ABCB5: variants seen among roughly 807,000 people sequenced by gnomAD.
The protein encoded by ABCB5 is ATP binding cassette subfamily B member 5.
In ABCB5, 155 loss-of-function variants were observed where a neutral mutation model predicts 144.2. The observed-to-expected ratio is 1.08, with a 90% CI of 0.94 to 1.23. The LOEUF (loss-of-function observed/expected upper bound fraction) is 1.23, where lower values mean the gene tolerates loss of function less well. ABCB5 is among the 50% of genes most tolerant of loss of function. ABCB5 has a pLI of 0.00. For missense variants in ABCB5, 1,830 were observed against 1,520.8 expected, an observed-to-expected ratio of 1.20 and a Z score of -3.38; for synonymous variants, 610 against 528.6, an observed-to-expected ratio of 1.15 and a Z score of -2.11.
chr7:20,643,730 A>G (rs1265541655), intron 7 of ABCB5, 98 bp downstream of exon 7: 4 of 1,342,664 alleles, frequency 3.0e-6, no homozygotes, highest in Non-Finnish European at 4.1e-6. Context: ...TTCACTTGCC[A>G]TGTCCCAAAC....
At chr7:20,717,957 A>G (rs1360917291) in intron 20 of ABCB5, among the ~76,000 whole-genome samples, 1 of 113,412 alleles carries the variant, frequency 8.8e-6, no homozygotes, top group Non-Finnish European at 1.6e-5. Flanking sequence ...GCTGGAGTGC[A>G]GTGGCGCAAT....
intron 24 of ABCB5, 21 bp from the exon 25 acceptor site, chr7:20,742,856 T>C (rs1239736078): frequency 3.7e-6 from 6 of 1,612,648 alleles, no homozygotes; most frequent in Non-Finnish European, 4.2e-6. Flanking sequence ...TCTTCTCAAC[T>C]CTGTCAACTT....
intron 20 of ABCB5, among the ~76,000 whole-genome samples, chr7:20,721,391 G>C (rs1348601070): frequency 6.6e-6 from 1 of 152,074 alleles, no homozygotes; most frequent in Non-Finnish European, 1.5e-5. Context: ...TAAATAAGTT[G>C]GTAAAGGTAA....
At chr7:20,701,720 A>T (rs10488579) in intron 19 of ABCB5, among the ~76,000 whole-genome samples, 31,812 of 152,180 alleles carry the variant, frequency 0.21, 3,709 homozygotes, top group Non-Finnish European at 0.26. Flanking sequence ...TTAAAATATC[A>T]TGTACATACT....
At position 20,660,342 on chromosome 7, in the gene ABCB5, T is replaced by C. The variant is rs964002998; in HGVS notation, c.1707+1666T>C. 10 of 985,400 alleles carry C rather than the reference T, an allele frequency of 1.0e-5. No individual in the cohort carries two copies. The South Asian group carries it at 4.7e-4, about 46-fold the overall frequency. 61.0% of individuals were successfully genotyped at this position (985,400 alleles called of 1,614,324 possible). On this transcript the variant is annotated intron_variant, in intron 14 of 27. Transcript: ENST00000404938. The stretch of plus-strand genomic sequence containing the variant: ...ACTTATTTCAAAAATTCATTTACTG[T>C]CCCTGTTTTTCAGTTGTTTAAAGGA...
At position 20,727,910 on chromosome 7, in the gene ABCB5, T is replaced by C. The variant is rs540546857; in HGVS notation, c.2727-405T>C. 2.6e-5 allele frequency among the ~76,000 whole-genome samples: 4 copies of C among 152,366 alleles called. No homozygotes were observed. In the East Asian group the frequency reaches 7.7e-4, roughly 29 times the overall value. ...ATAGCTTTTTACTCTTTTGGACTCA[T>C]ACTTGTAGTTGGCACCACCCTTTAA... On this transcript the variant is annotated intron_variant, in intron 22 of 27. Coordinates refer to ENST00000404938, the MANE Select transcript of ABCB5 (RefSeq NM_001163941.2).
chr7:20,754,492 T>C (rs1783023640), intron 27 of ABCB5, among the ~76,000 whole-genome samples: 1 of 152,238 alleles, frequency 6.6e-6, no homozygotes, highest in Non-Finnish European at 1.5e-5. Context: ...TGAAAGAATT[T>C]AAATGAGATA....
chr7:20,725,526 C>T (rs958013558), intron 21 of ABCB5, among the ~76,000 whole-genome samples: 1 of 152,184 alleles, frequency 6.6e-6, no homozygotes, highest in East Asian at 1.9e-4. Context: ...TTGCAGTGAG[C>T]CAAGATCGCA....
chr7:20,632,157 C>A, intron 5 of ABCB5, 44 bp downstream of exon 5: 1 of 1,323,040 alleles, frequency 7.6e-7, no homozygotes, highest in Non-Finnish European at 1.0e-6. Flanking sequence ...TTGAATGATG[C>A]TTTATTTAAA....
At position 20,711,776 on chromosome 7, in the gene ABCB5, T is replaced by C. The variant is rs200982921; in HGVS notation, c.2421+6969T>C. Among the ~76,000 whole-genome samples, 3 of 42,250 alleles carry C rather than the reference T, an allele frequency of 7.1e-5. 1 individual carries two copies. The highest frequency in any genetic ancestry group is 2.5e-4 in the Admixed American group (1 of 3,946). The allele number at this position is 42,250 out of a possible 152,430, so 27.7% of individuals were successfully genotyped here. ...GCCCAGCCTGCCTGCCTTTCCTTCT[T>C]TCTCTTTCTTTCTTTCTTTCTTTCT... On this transcript the variant is annotated intron_variant, in intron 20 of 27. Coordinates refer to ENST00000404938, the MANE Select transcript of ABCB5 (RefSeq NM_001163941.2).
chr7:20,716,796 A>AG (rs1279465216), intron 20 of ABCB5, among the ~76,000 whole-genome samples: 1 of 152,196 alleles, frequency 6.6e-6, no homozygotes, highest in African/African-American at 2.4e-5. Context: ...TGGACAATCT[A>AG]GGAGTTCATT....
Position 20,666,398 on chromosome 7 carries a change from T to C in ABCB5, c.1707+7722T>C, listed in dbSNP as rs118122084. On this transcript the variant is annotated intron_variant, in intron 14 of 27. Transcript: ENST00000404938. ...CTGGTAATGGACCCTCTCAAATGCT[T>C]GAGGCTTTGTATTATTTTCCTTTCT... is the stretch of plus-strand genomic sequence containing the variant. Among the ~76,000 whole-genome samples the C allele has an allele frequency of 2.5e-3, 374 of 152,274 alleles. 7 individuals carry two copies. In the South Asian group the frequency reaches 0.044, roughly 18 times the overall value.
At chr7:20,714,879 G>T (rs530154476) in intron 20 of ABCB5, among the ~76,000 whole-genome samples, 1 of 152,276 alleles carries the variant, frequency 6.6e-6, no homozygotes, top group South Asian at 2.1e-4. Context: ...TTAGGTTGGT[G>T]TGTATAGTCC....
Position 20,651,429 on chromosome 7 carries a change from G to T in ABCB5, c.1342G>T (p.Asp448Tyr), listed in dbSNP as rs747579982. 2 of 1,613,970 alleles carry T rather than the reference G, an allele frequency of 1.2e-6. No homozygotes were observed. Among genetic ancestry groups the T allele is most frequent in the Non-Finnish European group, 1.7e-6 (2 of 1,179,966 alleles). Residue 448 changes from aspartate to tyrosine, a missense_variant, in exon 13 of 28, where the codon GAT (aspartate) becomes TAT (tyrosine). Asp to Tyr is a radical substitution (Grantham distance 160). Transcript: ENST00000404938. Reference sequence around the variant, plus strand: ...TTCTTTGGATTGGCAGATCATGGTGGATGAGAATGACATCAGAGCTTTAAA... The same window carrying T: ...TTCTTTGGATTGGCAGATCATGGTGTATGAGAATGACATCAGAGCTTTAAA... Reference protein sequence around the residue: ...YDPDDGFIMVDENDIRALNVR... With the variant: ...YDPDDGFIMVYENDIRALNVR...
intron 14 of ABCB5, among the ~76,000 whole-genome samples, chr7:20,669,146 G>T (rs1190908908): frequency 6.6e-6 from 1 of 150,486 alleles, no homozygotes; most frequent in Non-Finnish European, 1.5e-5. Context: ...CATCCGGGAG[G>T]TGAGGGGCGC....
At chr7:20,704,075 C>CTGTTTTTTTTTTTTTTT (rs1786728623) in intron 19 of ABCB5, among the ~76,000 whole-genome samples, 1 of 80,772 alleles carries the variant, frequency 1.2e-5, no homozygotes, top group African/African-American at 5.0e-5. Flanking sequence ...TATTGCCTTC[C>CTGTTTTTTTTTTTTTTT]TTTTTTTTTT....
intron 2 of ABCB5, among the ~76,000 whole-genome samples, chr7:20,624,080 C>A (rs1301313423): frequency 6.6e-6 from 1 of 152,136 alleles, no homozygotes; most frequent in Non-Finnish European, 1.5e-5. Flanking sequence ...GTTATTTTCC[C>A]AAAGTAAATG....
intron 17 of ABCB5, 143 bp downstream of exon 17, chr7:20,698,693 G>A: frequency 3.0e-6 from 2 of 677,054 alleles, no homozygotes; most frequent in African/African-American, 1.9e-5. Context: ...TGATAGGAAG[G>A]TTAATTAATG....
rs1562549609 is a variant in ABCB5 at position 20,665,768 on chromosome 7, G to GATAGATAGATAGATAGAGATAC, written c.1707+7095_1707+7096insGATAGATAGATAGAGATACATA. The stretch of plus-strand genomic sequence containing the variant: ...ATAGATAGATAGATAGATAGATAGA[G>GATAGATAGATAGATAGAGATAC]ATACATACATACATACATACATACA... On this transcript the variant is annotated intron_variant, in intron 14 of 27. Coordinates refer to ENST00000404938, the MANE Select transcript of ABCB5 (RefSeq NM_001163941.2). 1.9e-4 allele frequency among the ~76,000 whole-genome samples: 24 copies of GATAGATAGATAGATAGAGATAC among 125,488 alleles called. No homozygotes were observed. The South Asian group carries it at 2.3e-3, about 12-fold the overall frequency. The allele number at this position is 125,488 out of a possible 152,430, so 82.3% of individuals were successfully genotyped here. A position where few individuals can be genotyped will look rare whatever the true frequency, so the allele number is the denominator to read the frequency against.
Sources: gnomAD v4.1 joint callset for allele counts (sites outside exome capture counted in the v4.1 genomes callset) on GRCh38, gnomAD v4.1.1 for gene constraint, MANE v1.5 for transcripts, NCBI Gene and HGNC (gene_info 2026-07-23, HGNC 2026-07-21) for gene names.